The following NBPF12 variants were observed in gnomAD, a reference collection of about 807,000 sequenced individuals.
NBPF12 encodes NBPF family member NBPF12.
In NBPF12, 115 loss-of-function variants were observed where a neutral mutation model predicts 146.4. The observed-to-expected ratio is 0.79, with a 90% CI of 0.68 to 0.92. The LOEUF is 0.92. NBPF12 is among the 40% of genes least tolerant of loss of function. The pLI is 0.00. For missense variants in NBPF12, 1,205 were observed against 1,326.8 expected, an observed-to-expected ratio of 0.91 and a Z score of 1.43; for synonymous variants, 385 against 508.9, an observed-to-expected ratio of 0.76 and a Z score of 3.28.
chr1:146,966,743 G>A, intron 9 of NBPF12, 70 bp downstream of exon 12: 2 of 896,064 alleles, frequency 2.2e-6, no homozygotes, highest in Non-Finnish European at 3.8e-6. Flanking sequence ...GAAACTAAGT[G>A]CTCTCTCCAT....
At chr1:146,977,164 G>A (rs1280786570) in intron 17 of NBPF12, among the ~76,000 whole-genome samples, 163 bp downstream of exon 20, 37 of 148,514 alleles carry the variant, frequency 2.5e-4, no homozygotes, top group Non-Finnish European at 2.8e-4. Flanking sequence ...CAGGTGTCAT[G>A]TTTCTCTATG....
intron 25 of NBPF12, among the ~76,000 whole-genome samples, 153 bp from the exon 29 acceptor site, chr1:146,987,801 G>A (rs1432718720): frequency 6.6e-6 from 1 of 152,040 alleles, no homozygotes; most frequent in Non-Finnish European, 1.5e-5. Flanking sequence ...GCCCTGTTCT[G>A]TCCCAACATG....
Position 146,960,395 on chromosome 1 carries a change from C to A in NBPF12, c.175+77C>A, listed in dbSNP as rs1446137282. On this transcript the variant is annotated intron_variant, in intron 4 of 33. Transcript: ENST00000617844. The stretch of plus-strand genomic sequence containing the variant: ...CTCTCTGAGACACTAAATGCTCTCT[C>A]CATCAAAAATAATTTCATCCTTCCT... The A allele has an allele frequency of 4.2e-6, 4 of 950,692 alleles. No individual in the cohort carries two copies. The African/African-American group carries it at 6.5e-5, about 15-fold the overall frequency. 58.9% of individuals were successfully genotyped at this position (950,692 alleles called of 1,614,324 possible).
upstream of NBPF12, among the ~76,000 whole-genome samples, chr1:146,946,852 G>T (rs1655099781): frequency 6.6e-6 from 1 of 151,852 alleles, no homozygotes; most frequent in Non-Finnish European, 1.5e-5. Context: ...ATTTTATAAA[G>T]GATATAACAT....
intron 21 of NBPF12, 116 bp downstream of exon 24, chr1:146,984,301 T>C (rs1342595486): frequency 5.1e-6 from 4 of 781,522 alleles, no homozygotes; most frequent in Non-Finnish European, 9.2e-6. Context: ...AAGTCTGAAT[T>C]ATGCCTACTG....
intron 16 of NBPF12, among the ~76,000 whole-genome samples, 200 bp from the exon 20 acceptor site, chr1:146,976,729 G>C (rs1247218615): frequency 1.3e-5 from 2 of 151,360 alleles, no homozygotes; most frequent in Non-Finnish European, 2.9e-5. Context: ...ACATCTTGAT[G>C]GTGGCCCTCC....
chr1:146,947,343 G>T (rs1655121941), upstream of NBPF12, among the ~76,000 whole-genome samples: 1 of 149,492 alleles, frequency 6.7e-6, no homozygotes, highest in Non-Finnish European at 1.5e-5. Context: ...TTATGTGTTA[G>T]CCTGTGTTTC....
Position 146,994,528 on chromosome 1 carries a change from A to G in NBPF12, c.4327A>G (p.Thr1443Ala), listed in dbSNP as rs782649226. The G allele has an allele frequency of 5.6e-6, 9 of 1,609,632 alleles. No homozygotes were observed. In the South Asian group the frequency reaches 6.6e-5, roughly 12 times the overall value. ...CAATAGCTTTTTTACTTTGACGGTG[A>G]CAAGTCTCCACCTGGTCTTCCAGAT... Residue 1443 changes from threonine (T) to alanine (A), a missense_variant, in exon 34 of 34, where the codon ACA becomes GCA. This residue lies in a region of NBPF12 where 210 missense variants were observed against 94.4 expected (regional missense o/e 2.22). Transcript: ENST00000617844.
intron 2 of NBPF12, among the ~76,000 whole-genome samples, chr1:146,956,401 T>A (rs1335985116): frequency 6.6e-6 from 1 of 151,980 alleles, no homozygotes; most frequent in African/African-American, 2.4e-5. Flanking sequence ...ATAGGGAATT[T>A]CCTCTATCTT....
intron 1 of NBPF12, among the ~76,000 whole-genome samples, chr1:146,940,110 G>A (rs1225623911): frequency 6.6e-6 from 1 of 151,938 alleles, no homozygotes; most frequent in African/African-American, 2.4e-5. Context: ...ATGTGCTGGT[G>A]GTTTTTAATC....
intron 19 of NBPF12, among the ~76,000 whole-genome samples, chr1:146,981,153 G>A (rs1657347863): frequency 7.8e-6 from 1 of 128,072 alleles, no homozygotes; most frequent in Non-Finnish European, 1.6e-5. Context: ...GGGAGGAGGG[G>A]TAGCATTAGG....
intron 2 of NBPF12, among the ~76,000 whole-genome samples, chr1:146,957,948 ATAT>A (rs1160831662): frequency 1.7e-5 from 2 of 114,586 alleles, no homozygotes; most frequent in African/African-American, 5.9e-5. Flanking sequence ...GTGTGTATAT[ATAT>A]TTTATATATA....
At position 146,969,778 on chromosome 1, in the gene NBPF12, C is replaced by T. The variant is rs1473636608; in HGVS notation, c.1306+182C>T. 5.3e-5 allele frequency among the ~76,000 whole-genome samples: 8 copies of T among 151,124 alleles called. 1 individual carries two copies. Among genetic ancestry groups the T allele is most frequent in the Middle Eastern group, 6.8e-3 (2 of 292 alleles). Reference sequence around the variant, plus strand: ...TGGGAAACCCATGGGTTTGGAGGTCCCAGTATTGCAAGTGTCCCTCCTTCC... The same window carrying T: ...TGGGAAACCCATGGGTTTGGAGGTCTCAGTATTGCAAGTGTCCCTCCTTCC... On this transcript the variant is annotated intron_variant, in intron 11 of 33. Transcript: ENST00000617844.
At chr1:146,994,191 A>C (rs1553889926) in intron 33 of NBPF12, 141 bp from the exon 37 acceptor site, 14 of 1,538,744 alleles carry the variant, frequency 9.1e-6, no homozygotes, top group Admixed American at 5.3e-5. Flanking sequence ...TCCCAACATA[A>C]AGGCAATAAT....
rs1328016267 is a variant in NBPF12, at chr1:146,982,459, G to C, written c.2451-469G>C. 6.6e-5 allele frequency among the ~76,000 whole-genome samples: 10 copies of C among 150,504 alleles called. 1 individual carries two copies. The highest frequency in any genetic ancestry group is 4.0e-4 in the Admixed American group (6 of 15,102). ...CTTCCCATTTGTTGGTAGTATGTTG[G>C]CTAGTATTTTTGCAAGAAAAGAAAT... is the stretch of plus-strand genomic sequence containing the variant. On this transcript the variant is annotated intron_variant, in intron 19 of 33. Coordinates refer to ENST00000617844, the Ensembl canonical transcript of NBPF12.
upstream of NBPF12, among the ~76,000 whole-genome samples, chr1:146,938,460 G>A (rs1460908009): frequency 3.3e-5 from 5 of 152,164 alleles, no homozygotes; most frequent in Non-Finnish European, 7.3e-5. Context: ...GGAAATCGGC[G>A]AATTGCAGGG....
upstream of NBPF12, among the ~76,000 whole-genome samples, chr1:146,944,524 C>A (rs1654934989): frequency 1.3e-5 from 2 of 149,386 alleles, no homozygotes; most frequent in East Asian, 4.1e-4. Flanking sequence ...AAGGTTGCGG[C>A]CTGGTGTTCT....
intron 11 of NBPF12, 104 bp from the exon 15 acceptor site, chr1:146,970,543 A>G (rs1240440047): frequency 3.5e-6 from 5 of 1,416,386 alleles, no homozygotes; most frequent in African/African-American, 1.4e-5. Context: ...TTTCAGTACA[A>G]TGCTGAACCA....
At chr1:146,946,362 C>T (rs1206208534), upstream of NBPF12, among the ~76,000 whole-genome samples, 5 of 151,360 alleles carry the variant, frequency 3.3e-5, no homozygotes, top group African/African-American at 4.9e-5. Flanking sequence ...TTGGTGTGTT[C>T]ACCGTTTTGT....
Sources: gnomAD v4.1 joint callset for allele counts (sites outside exome capture counted in the v4.1 genomes callset) on GRCh38, gnomAD v4.1.1 for gene constraint, gnomAD v4.1.1 regional missense constraint, MANE v1.5 for transcripts, NCBI Gene and HGNC (gene_info 2026-07-23, HGNC 2026-07-21) for gene names.